The following GAB2 variants were observed in gnomAD, a reference collection of about 807,000 sequenced individuals.
GAB2 encodes GRB2 associated binding protein 2.
Under a neutral mutation model 65.5 loss-of-function variants are expected in GAB2, and 26 were observed. The ratio of observed to expected loss-of-function variants is 0.40; its 90% CI spans 0.29 to 0.55. The LOEUF (loss-of-function observed/expected upper bound fraction) is 0.55. Ranked by LOEUF, GAB2 falls within the 20% of genes least tolerant of loss-of-function variation. GAB2 has a pLI of 0.53. For synonymous variants in GAB2, 321 were observed against 329.6 expected, an observed-to-expected ratio of 0.97 and a Z score of 0.28; for missense variants, 884 against 875.8, an observed-to-expected ratio of 1.01 and a Z score of -0.12.
intron 1 of GAB2, among the ~76,000 whole-genome samples, chr11:78,369,141 C>CA (rs566107327): frequency 0.024 from 1,411 of 59,570 alleles, 21 homozygotes; most frequent in African/African-American, 0.05. Context: ...GACCCTGTCT[C>CA]AAAAAAAAAA....
At chr11:78,264,703 C>T (rs1024847323) in intron 2 of GAB2, among the ~76,000 whole-genome samples, 5 of 152,206 alleles carry the variant, frequency 3.3e-5, no homozygotes, top group African/African-American at 7.2e-5. Flanking sequence ...CCACAGCACC[C>T]GGCCAAGACA....
intron 2 of GAB2, among the ~76,000 whole-genome samples, chr11:78,256,132 A>T (rs1206007614): frequency 1.3e-5 from 2 of 152,258 alleles, no homozygotes; most frequent in East Asian, 3.8e-4. Context: ...TATCAGCATT[A>T]TTCATGAGAG....
At chr11:78,227,311 G>T (rs963495263) in intron 3 of GAB2, among the ~76,000 whole-genome samples, 3 of 152,100 alleles carry the variant, frequency 2.0e-5, no homozygotes, top group Non-Finnish European at 2.9e-5. Context: ...TAAGCCAGAT[G>T]GATTGCCTAT....
intron 2 of GAB2, among the ~76,000 whole-genome samples, chr11:78,275,072 G>A (rs1210581717): frequency 6.6e-6 from 1 of 152,136 alleles, no homozygotes; most frequent in Non-Finnish European, 1.5e-5. Context: ...GTCTTTTTGT[G>A]GCCACCAAGG....
At chr11:78,353,497 C>A (rs775737898) in intron 1 of GAB2, among the ~76,000 whole-genome samples, 1 of 152,134 alleles carries the variant, frequency 6.6e-6, no homozygotes, top group Non-Finnish European at 1.5e-5. Context: ...GTATATTTTA[C>A]AGACTAATGA....
At chr11:78,274,439 G>A (rs1866110283) in intron 2 of GAB2, among the ~76,000 whole-genome samples, 2 of 152,218 alleles carry the variant, frequency 1.3e-5, no homozygotes, top group Non-Finnish European at 2.9e-5. Flanking sequence ...AGAAAACAAT[G>A]TGAATAGTCC....
intron 1 of GAB2, among the ~76,000 whole-genome samples, chr11:78,338,074 T>A (rs1311439830): frequency 2.0e-5 from 3 of 152,154 alleles, no homozygotes; most frequent in Non-Finnish European, 2.9e-5. Context: ...TATAAAATGT[T>A]AAGTATGTTA....
In GAB2 at chr11:78,219,255, C is replaced by T. The variant is rs2134448585; in HGVS notation, c.*17G>A. 6.2e-7 allele frequency: 1 copy of T among 1,611,642 alleles called. No homozygotes were observed. Among genetic ancestry groups the T allele is most frequent in the Non-Finnish European group, 8.5e-7 (1 of 1,179,462 alleles). ...CTCTGGAGATGCTGCCTCCTGGGCT[C>T]TGCGGTGGCCCTCTCATCACAGCTT... On this transcript the variant is annotated 3_prime_UTR_variant, in exon 10 of 10. Transcript: ENST00000361507.
At chr11:78,367,357 TGTGCATGTATGTGTGCGTGC>T in intron 1 of GAB2, among the ~76,000 whole-genome samples, 2 of 152,326 alleles carry the variant, frequency 1.3e-5, no homozygotes, top group South Asian at 4.1e-4. Flanking sequence ...GTGACTGGTG[TGTGCATGTATGTGTGCGTGC>T]GTGCATGTGA....
chr11:78,254,654 C>T (rs572488029), intron 2 of GAB2, among the ~76,000 whole-genome samples: 2 of 152,018 alleles, frequency 1.3e-5, no homozygotes, highest in Non-Finnish European at 2.9e-5. Context: ...AAAAAATTAA[C>T]TGGGCGTGGT....
chr11:78,403,759 C>T (rs11237484), intron 1 of GAB2, among the ~76,000 whole-genome samples: 3,379 of 152,234 alleles, frequency 0.022, 120 homozygotes, highest in African/African-American at 0.071. Flanking sequence ...AGCTTAAAAG[C>T]TTTGACACAG....
chr11:78,310,225 G>A (rs953842204), intron 1 of GAB2, among the ~76,000 whole-genome samples: 4 of 151,794 alleles, frequency 2.6e-5, no homozygotes, highest in Admixed American at 1.3e-4. Context: ...AAAATGAGCC[G>A]GGTGCGGTGG....
chr11:78,285,212 G>T (rs1866445693), intron 1 of GAB2, among the ~76,000 whole-genome samples: 1 of 152,160 alleles, frequency 6.6e-6, no homozygotes, highest in Non-Finnish European at 1.5e-5. Context: ...CGTTAGTCTT[G>T]TCTCTGTGGA....
At position 78,263,038 on chromosome 11, in the gene GAB2, C is replaced by T. The variant is rs910192755; in HGVS notation, c.377-12638G>A. Among the ~76,000 whole-genome samples, 4 of 152,196 alleles carry T rather than the reference C, an allele frequency of 2.6e-5. No homozygotes were observed. The East Asian group carries it at 7.7e-4, about 29-fold the overall frequency. ...AGCCTAAAGTATTTACTATCTGGCC[C>T]TTTACAGAGAAAGTTTGCTGACCCT... On this transcript the variant is annotated intron_variant, in intron 2 of 9. Transcript: ENST00000361507.
At chr11:78,281,308 T>C (rs1590995602) in intron 1 of GAB2, among the ~76,000 whole-genome samples, 1 of 151,762 alleles carries the variant, frequency 6.6e-6, no homozygotes, top group African/African-American at 2.4e-5. Flanking sequence ...TGCAATGGCA[T>C]GATCTTGGCT....
chr11:78,409,603 A>T (rs893973431), intron 1 of GAB2, among the ~76,000 whole-genome samples: 3 of 152,200 alleles, frequency 2.0e-5, no homozygotes, highest in Admixed American at 1.3e-4. Context: ...ATAATAAAAA[A>T]AATAAAATAT....
intron 1 of GAB2, among the ~76,000 whole-genome samples, chr11:78,350,005 G>T (rs182250140): frequency 2.0e-5 from 3 of 152,052 alleles, no homozygotes; most frequent in African/African-American, 7.2e-5. Flanking sequence ...AAAGCAAATT[G>T]CACACGTCCT....
chr11:78,318,576 T>C (rs1447524074), intron 1 of GAB2, among the ~76,000 whole-genome samples: 2 of 151,588 alleles, frequency 1.3e-5, no homozygotes, highest in Non-Finnish European at 2.9e-5. Flanking sequence ...GCAGTGGCAG[T>C]AGGGAAGGAG....
chr11:78,346,686 T>C lies in GAB2; in HGVS notation c.76-65785A>G, dbSNP rs1282516143. ...TTTACATCCCCTCCATATATATATATATATATATATATATATATATATATA... is the reference window on the plus strand; with the variant it reads ...TTTACATCCCCTCCATATATATATACATATATATATATATATATATATATA... On this transcript the variant is annotated intron_variant, in intron 1 of 9. Coordinates refer to ENST00000361507, the MANE Select transcript of GAB2 (RefSeq NM_080491.3). Among the ~76,000 whole-genome samples, 94 of 41,980 alleles carry C rather than the reference T, an allele frequency of 2.2e-3. 1 individual carries two copies. The highest frequency in any genetic ancestry group is 8.0e-3 in the African/African-American group (89 of 11,130). The allele number at this position is 41,980 out of a possible 152,430, so 27.5% of individuals were successfully genotyped here.
Sources: allele counts gnomAD v4.1 joint callset (sites outside exome capture counted in the v4.1 genomes callset), GRCh38; gene constraint gnomAD v4.1.1; transcripts MANE v1.5; gene names NCBI Gene and HGNC (gene_info 2026-07-23, HGNC 2026-07-21).